COL28A1: variants seen among roughly 807,000 people sequenced by gnomAD.
COL28A1 encodes the protein collagen type XXVIII alpha 1 chain.
COL28A1 carries 161 observed loss-of-function variants against 150.2 expected under a neutral mutation model. That is an observed-to-expected ratio of 1.07 (90% CI 0.94 to 1.22). COL28A1 has a LOEUF of 1.22. Among genes scored for constraint, COL28A1 ranks in the 50% most tolerant of loss-of-function variants. The pLI, the probability that COL28A1 is intolerant of heterozygous loss-of-function variation, is 0.00. For synonymous variants in COL28A1, 552 were observed against 469.7 expected, an observed-to-expected ratio of 1.18 and a Z score of -2.26; for missense variants, 1,617 against 1,388.3, an observed-to-expected ratio of 1.16 and a Z score of -2.62.
At chr7:7,474,740 T>C in intron 14 of COL28A1, 71 bp from the exon 15 acceptor site, 1 of 801,676 alleles carries the variant, frequency 1.2e-6, no homozygotes, top group Non-Finnish European at 2.2e-6. Context: ...ACATTACAAA[T>C]ACTATGAATT....
At chr7:7,377,621 G>A (rs991089316) in intron 30 of COL28A1, among the ~76,000 whole-genome samples, 1 of 152,214 alleles carries the variant, frequency 6.6e-6, no homozygotes, top group African/African-American at 2.4e-5. Context: ...CAGAAACAAT[G>A]ACAAGAAATG....
intron 33 of COL28A1, among the ~76,000 whole-genome samples, chr7:7,365,887 G>A (rs1313400650): frequency 1.3e-5 from 2 of 151,888 alleles, no homozygotes. Context: ...TTCTTTGTCA[G>A]GTCTCTCTGC....
At chr7:7,440,542 G>T (rs1257970588) in intron 21 of COL28A1, among the ~76,000 whole-genome samples, 1 of 152,186 alleles carries the variant, frequency 6.6e-6, no homozygotes. Flanking sequence ...GTTGTTACTA[G>T]AGAGGACTGA....
At chr7:7,419,763 C>T in intron 26 of COL28A1, 122 bp downstream of exon 26, 2 of 488,386 alleles carry the variant, frequency 4.1e-6, no homozygotes, top group Non-Finnish European at 7.0e-6. Context: ...TAAGACGTTT[C>T]ATCAGTCACC....
intron 27 of COL28A1, among the ~76,000 whole-genome samples, chr7:7,404,515 C>G (rs1465068398): frequency 6.6e-6 from 1 of 152,036 alleles, no homozygotes. Flanking sequence ...TTTGAACATG[C>G]CAGCCACCCT....
At chr7:7,347,677 T>A in the COL28A1 span, among the ~76,000 whole-genome samples, 2 of 152,250 alleles carry the variant, frequency 1.3e-5, no homozygotes, top group East Asian at 3.9e-4. Flanking sequence ...ATCAAAGATA[T>A]TTTAACTAAA....
the COL28A1 span, among the ~76,000 whole-genome samples, chr7:7,341,671 G>A: frequency 6.6e-6 from 1 of 152,022 alleles, no homozygotes; most frequent in African/African-American, 2.4e-5. Flanking sequence ...TAGGTATGTA[G>A]TATTGATTTT....
chr7:7,365,587 G>T (rs377208015), intron 33 of COL28A1, among the ~76,000 whole-genome samples: 40 of 152,234 alleles, frequency 2.6e-4, no homozygotes, highest in African/African-American at 9.1e-4. Flanking sequence ...ACATCCAAAA[G>T]GTCTTTTGCT....
chr7:7,369,979 G>A (rs1184684097), intron 33 of COL28A1, among the ~76,000 whole-genome samples: 1 of 152,150 alleles, frequency 6.6e-6, no homozygotes, highest in Non-Finnish European at 1.5e-5. Flanking sequence ...TTGCAACTTG[G>A]TGGAGAAGAG....
chr7:7,483,158 T>C (rs1366993910), intron 13 of COL28A1, among the ~76,000 whole-genome samples: 2 of 152,252 alleles, frequency 1.3e-5, no homozygotes, highest in African/African-American at 4.8e-5. Context: ...TGACTTACAA[T>C]GGGCTTATGG....
At chr7:7,530,077 T>C (rs956550891) in intron 3 of COL28A1, among the ~76,000 whole-genome samples, 1 of 152,152 alleles carries the variant, frequency 6.6e-6, no homozygotes, top group African/African-American at 2.4e-5. Flanking sequence ...CAGTTCTGAT[T>C]GAGAAAATAT....
At chr7:7,377,737 T>C (rs906065876) in intron 30 of COL28A1, among the ~76,000 whole-genome samples, 1 of 146,446 alleles carries the variant, frequency 6.8e-6, no homozygotes, top group African/African-American at 2.5e-5. Flanking sequence ...AGAGCTCTGG[T>C]GGAACTTTTA....
At chr7:7,493,924 A>T (rs1039604994) in intron 11 of COL28A1, among the ~76,000 whole-genome samples, 5 of 152,116 alleles carry the variant, frequency 3.3e-5, no homozygotes, top group African/African-American at 1.2e-4. Context: ...TTATTTCTCT[A>T]CTTTACTTTC....
intron 3 of COL28A1, 33 bp from the exon 4 acceptor site, chr7:7,524,282 G>T: frequency 8.4e-7 from 1 of 1,191,210 alleles, no homozygotes; most frequent in Non-Finnish European, 1.3e-6. Flanking sequence ...GCATTAACTC[G>T]ATTGATAGTT....
intron 4 of COL28A1, among the ~76,000 whole-genome samples, chr7:7,523,217 C>T (rs1402306971): frequency 5.3e-5 from 8 of 149,878 alleles, no homozygotes; most frequent in Non-Finnish European, 7.4e-5. Context: ...TGGAATGCAG[C>T]AGCAATCTTG....
chr7:7,405,027 G>A (rs563894834), intron 27 of COL28A1, among the ~76,000 whole-genome samples: 3 of 152,206 alleles, frequency 2.0e-5, no homozygotes, highest in African/African-American at 7.2e-5. Context: ...GGGACTACAT[G>A]CATGTGCTAC....
intron 11 of COL28A1, among the ~76,000 whole-genome samples, chr7:7,500,821 C>G (rs189712401): frequency 6.6e-6 from 1 of 152,094 alleles, no homozygotes; most frequent in African/African-American, 2.4e-5. Context: ...ACCTCAGAAA[C>G]TGGGATGGAA....
chr7:7,362,767 G>C (rs1780736370), intron 33 of COL28A1, among the ~76,000 whole-genome samples: 1 of 152,168 alleles, frequency 6.6e-6, no homozygotes, highest in African/African-American at 2.4e-5. Flanking sequence ...GAATGATCCT[G>C]TATGCAGATA....
intron 5 of COL28A1, among the ~76,000 whole-genome samples, chr7:7,520,859 T>C (rs184754307): frequency 1.8e-3 from 276 of 152,304 alleles, no homozygotes; most frequent in Non-Finnish European, 3.6e-3. Context: ...AAACGAAGAC[T>C]TTATAGGAAG....
Sources: allele counts gnomAD v4.1 joint callset (sites outside exome capture counted in the v4.1 genomes callset), GRCh38; gene constraint gnomAD v4.1.1; transcripts MANE v1.5; gene names NCBI Gene and HGNC (gene_info 2026-07-23, HGNC 2026-07-21).